The following TRPC4 variants were observed in gnomAD, a reference collection of about 807,000 sequenced individuals.
The protein encoded by TRPC4 is transient receptor potential cation channel subfamily C member 4.
TRPC4 carries 49 observed loss-of-function variants against 99.4 expected under a neutral mutation model. That is an observed-to-expected ratio of 0.49 (90% CI 0.39 to 0.63). TRPC4 has a LOEUF of 0.63. Ranked by LOEUF, TRPC4 falls within the 20% of genes least tolerant of loss-of-function variation. The pLI, the probability that TRPC4 is intolerant of heterozygous loss-of-function variation, is 0.00. For missense variants in TRPC4, 898 were observed against 1,152.9 expected (o/e 0.78, Z 3.20); for synonymous variants, 454 against 425.9 (o/e 1.07, Z -0.81).
intron 2 of TRPC4, among the ~76,000 whole-genome samples, chr13:37,778,662 T>C (rs1956766925): frequency 6.6e-6 from 1 of 151,976 alleles, no homozygotes; most frequent in Non-Finnish European, 1.5e-5. Flanking sequence ...AACCAAAATT[T>C]CTTCAGCTAA....
intron 1 of TRPC4, among the ~76,000 whole-genome samples, chr13:37,830,897 GTATCA>G (rs1198741187): frequency 6.6e-6 from 1 of 150,640 alleles, no homozygotes; most frequent in Non-Finnish European, 1.5e-5. Flanking sequence ...ATAGGAAGTA[GTATCA>G]TATCATATGA....
At chr13:37,831,815 T>C (rs144160447) in intron 1 of TRPC4, among the ~76,000 whole-genome samples, 7 of 152,274 alleles carry the variant, frequency 4.6e-5, no homozygotes, top group Non-Finnish European at 8.8e-5. Context: ...ATCTGACTTA[T>C]AGCTGGAACC....
At chr13:37,866,891 T>C (rs1473941401) in intron 1 of TRPC4, among the ~76,000 whole-genome samples, 4 of 149,720 alleles carry the variant, frequency 2.7e-5, no homozygotes, top group African/African-American at 9.8e-5. Context: ...AAAGGCAAAG[T>C]TTTTATTTTG....
chr13:37,654,660 GCTTCTCCC>G (rs1481072443), intron 7 of TRPC4, among the ~76,000 whole-genome samples: 1 of 152,062 alleles, frequency 6.6e-6, no homozygotes, highest in East Asian at 1.9e-4. Context: ...AAATCCTGTG[GCTTCTCCC>G]CTTCCCAGAC....
chr13:37,789,685 C>CTT (rs59029228), intron 1 of TRPC4, among the ~76,000 whole-genome samples: 3,280 of 146,512 alleles, frequency 0.022, 113 homozygotes, highest in African/African-American at 0.073. Context: ...TACTTTATTT[C>CTT]TTTTTTTTTT....
At chr13:37,832,750 T>A (rs1593283410) in intron 1 of TRPC4, among the ~76,000 whole-genome samples, 2 of 151,970 alleles carry the variant, frequency 1.3e-5, no homozygotes, top group East Asian at 3.9e-4. Flanking sequence ...AAAAATAAGA[T>A]CAAACTATAT....
chr13:37,671,571 A>G (rs1483706181), intron 5 of TRPC4, among the ~76,000 whole-genome samples: 1 of 117,094 alleles, frequency 8.5e-6, no homozygotes, highest in African/African-American at 2.9e-5. Context: ...AAGCAAAGAC[A>G]AAAGTAAAAA....
intron 2 of TRPC4, among the ~76,000 whole-genome samples, chr13:37,767,787 T>C (rs900110177): frequency 1.3e-5 from 2 of 151,308 alleles, no homozygotes; most frequent in African/African-American, 4.8e-5. Flanking sequence ...TATTCATCCA[T>C]CTACCTTTCC....
chr13:37,687,261 C>T (rs758983275), intron 4 of TRPC4, among the ~76,000 whole-genome samples: 3 of 152,182 alleles, frequency 2.0e-5, no homozygotes, highest in African/African-American at 4.8e-5. Context: ...CCACACCCAG[C>T]CCAAAGTTCT....
At chr13:37,782,490 G>A (rs1311378560) in intron 2 of TRPC4, among the ~76,000 whole-genome samples, 1 of 151,958 alleles carries the variant, frequency 6.6e-6, no homozygotes, top group East Asian at 1.9e-4. Flanking sequence ...AAAATTAGAT[G>A]GTGCAACTCA....
At chr13:37,671,656 T>G (rs1298772590) in intron 5 of TRPC4, among the ~76,000 whole-genome samples, 1 of 152,116 alleles carries the variant, frequency 6.6e-6, no homozygotes, top group East Asian at 1.9e-4. Flanking sequence ...TTACTTCTCA[T>G]GCCAACAGCA....
intron 5 of TRPC4, among the ~76,000 whole-genome samples, chr13:37,669,629 A>G (rs2138731663): frequency 6.6e-6 from 1 of 152,298 alleles, no homozygotes; most frequent in Non-Finnish European, 1.5e-5. Context: ...CTGCGTTTTT[A>G]TATTAGGTTC....
intron 1 of TRPC4, among the ~76,000 whole-genome samples, chr13:37,807,754 TG>T (rs1426429706): frequency 1.3e-5 from 2 of 152,056 alleles, no homozygotes; most frequent in Non-Finnish European, 2.9e-5. Context: ...CCAGAATTTG[TG>T]TCAATTCTGA....
chr13:37,701,947 A>G (rs1158527946), intron 3 of TRPC4, among the ~76,000 whole-genome samples: 1 of 152,122 alleles, frequency 6.6e-6, no homozygotes, highest in Non-Finnish European at 1.5e-5. Flanking sequence ...GCTTAAAACA[A>G]CATATTTTTT....
Position 37,703,633 on chromosome 13 carries a change from C to T in TRPC4, c.898-11298G>A, listed in dbSNP as rs149491397. Among the ~76,000 whole-genome samples, 170 of 152,164 alleles carry T rather than the reference C, an allele frequency of 1.1e-3. 2 individuals are homozygous for T. In the Middle Eastern group the frequency reaches 0.021, roughly 18 times the overall value. ...GCAAATCAAAGTCACAATGAAGTAT[C>T]ACTGCATACCTATTAGAATGACTAA... On this transcript the variant is annotated intron_variant, in intron 3 of 10. Coordinates refer to ENST00000379705, the MANE Select transcript of TRPC4 (RefSeq NM_016179.4).
chr13:37,676,196 A>T (rs538258087), intron 4 of TRPC4, among the ~76,000 whole-genome samples: 1 of 151,740 alleles, frequency 6.6e-6, no homozygotes, highest in Non-Finnish European at 1.5e-5. Context: ...ACCCACACAC[A>T]CCAAACCGTG....
chr13:37,855,988 C>A (rs1011210620), intron 1 of TRPC4, among the ~76,000 whole-genome samples: 6 of 151,244 alleles, frequency 4.0e-5, no homozygotes, highest in African/African-American at 1.5e-4. Context: ...AAAGCAATAG[C>A]AAGCTAAACC....
intron 1 of TRPC4, among the ~76,000 whole-genome samples, chr13:37,860,995 A>G (rs1959275291): frequency 6.6e-6 from 1 of 151,662 alleles, no homozygotes; most frequent in South Asian, 2.1e-4. Flanking sequence ...ATTCCAGTGT[A>G]TTTTATGAGT....
Position 37,861,340 on chromosome 13 carries a change from G to T in TRPC4, c.-28+8255C>A, listed in dbSNP as rs545520113. Among the ~76,000 whole-genome samples the T allele has an allele frequency of 5.9e-5, 9 of 151,478 alleles. 1 individual carries two copies. The highest frequency in any genetic ancestry group is 5.8e-4 in the East Asian group (3 of 5,178). ...GCATTTGATGTTGCCAATAATTATT[G>T]CCATTAACTATTAATCTAAAAATGG... On this transcript the variant is annotated intron_variant, in intron 1 of 10. Transcript: ENST00000379705.
Sources: allele counts gnomAD v4.1 joint callset (sites outside exome capture counted in the v4.1 genomes callset), GRCh38; gene constraint gnomAD v4.1.1; transcripts MANE v1.5; gene names NCBI Gene and HGNC (gene_info 2026-07-23, HGNC 2026-07-21).